MELTF: variants seen among roughly 807,000 people sequenced by gnomAD.
MELTF encodes the protein antigen p97 (melanoma associated) identified by monoclonal antibodies 133.2 and 96.5.
A neutral mutation model predicts 83.7 loss-of-function variants in MELTF; 67 were observed. The observed-to-expected ratio is 0.80, with a 90% CI of 0.66 to 0.98. The LOEUF (loss-of-function observed/expected upper bound fraction) is 0.98. MELTF is among the 50% of genes least tolerant of loss of function. The pLI is 0.00. For missense variants in MELTF, 1,002 were observed against 1,035.6 expected (o/e 0.97, Z 0.44); for synonymous variants, 462 against 447.6 (o/e 1.03, Z -0.41).
intron 6 of MELTF, among the ~76,000 whole-genome samples, chr3:197,020,290 CAT>C (rs1719567406): frequency 6.6e-6 from 1 of 152,172 alleles, no homozygotes; most frequent in South Asian, 2.1e-4. Flanking sequence ...AAGAAATGGG[CAT>C]GAAGGACAGA....
chr3:197,016,329 C>G lies in MELTF; in HGVS notation c.941G>C (p.Ser314Thr). Residue 314 changes from serine to threonine, a missense_variant, in exon 8 of 16, where the codon AGC becomes ACC. Coordinates refer to ENST00000296350, the MANE Select transcript of MELTF (RefSeq NM_005929.6). ...SHEGSSFQMF[S>T]SEAYGQKDLL... is the part of the protein sequence containing the mutation. Reference sequence around the variant, plus strand: ...ATCCTTCTGGCCATAGGCCTCAGAGCTGAACATCTGGAAGCTGCTGCCCTC... The same window carrying G: ...ATCCTTCTGGCCATAGGCCTCAGAGGTGAACATCTGGAAGCTGCTGCCCTC... 1.2e-6 allele frequency: 2 copies of G among 1,608,026 alleles called. No individual in the cohort carries two copies. Among genetic ancestry groups the G allele is most frequent in the Non-Finnish European group, 1.7e-6 (2 of 1,177,018 alleles).
chr3:197,023,391 A>C (rs928285687), intron 4 of MELTF, among the ~76,000 whole-genome samples: 27 of 152,250 alleles, frequency 1.8e-4, no homozygotes, highest in Non-Finnish European at 3.8e-4. Context: ...ATAACTCAGT[A>C]TCAGCCAGAT....
rs1361547989 is a variant in MELTF at position 197,008,183 on chromosome 3, C to G, written c.1750+474G>C. Among the ~76,000 whole-genome samples the G allele has an allele frequency of 6.6e-6, 1 of 152,148 alleles. No homozygotes were observed. Among genetic ancestry groups the G allele is most frequent in the African/African-American group, 2.4e-5 (1 of 41,406 alleles). ...GAAGGTGACTCCAGGAAGAAAACCCCCTGTGTGGTATGTTGGGCGTGCCCT... is the reference window on the plus strand; with the variant it reads ...GAAGGTGACTCCAGGAAGAAAACCCGCTGTGTGGTATGTTGGGCGTGCCCT... On this transcript the variant is annotated intron_variant, in intron 13 of 15. Transcript: ENST00000296350. This position sits in a 1 kb window ranked among gnomAD's most constrained non-coding sequence, Gnocchi z 5.4.
chr3:197,017,041 C>G, intron 7 of MELTF, 62 bp downstream of exon 7: 1 of 1,547,082 alleles, frequency 6.5e-7, no homozygotes, highest in Non-Finnish European at 8.8e-7. Context: ...CCCTGCTGAG[C>G]GACCACAAGG....
Position 197,006,489 on chromosome 3 carries a change from C to A in MELTF, c.1938+60G>T. 1 of 1,506,278 alleles carries A rather than the reference C, an allele frequency of 6.6e-7. No homozygotes were observed. The highest frequency in any genetic ancestry group is 2.4e-5 in the East Asian group (1 of 42,022). The allele number at this position is 1,506,278 out of a possible 1,614,324, so 93.3% of individuals were successfully genotyped here. On this transcript the variant is annotated intron_variant, in intron 14 of 15. Coordinates refer to ENST00000296350, the MANE Select transcript of MELTF (RefSeq NM_005929.6). This position sits in a 1 kb window ranked among gnomAD's most constrained non-coding sequence, Gnocchi z 5.4. Reference sequence around the variant, plus strand: ...CTGCTCCAGGTAGACTGAGGCCTCCCAGGGGCTCAGCTTACCTCTGCTGCA... The same window carrying A: ...CTGCTCCAGGTAGACTGAGGCCTCCAAGGGGCTCAGCTTACCTCTGCTGCA...
In MELTF at chr3:197,029,577, A is replaced by G; in HGVS notation, c.49+77T>C. ...GAGCCGCAGGCTCAGGCACATTTCC[A>G]GCCCCGGGACCTGCTCAGCCGGGCC... On this transcript the variant is annotated intron_variant, in intron 1 of 15. Transcript: ENST00000296350. This position sits in a 1 kb window ranked among gnomAD's most constrained non-coding sequence, Gnocchi z 6.5. The G allele has an allele frequency of 8.6e-7, 1 of 1,161,342 alleles. No individual in the cohort carries two copies. The highest frequency in any genetic ancestry group is 3.2e-5 in the East Asian group (1 of 31,230). 71.9% of individuals were successfully genotyped at this position (1,161,342 alleles called of 1,614,324 possible). A position where few individuals can be genotyped will look rare whatever the true frequency, so the allele number is the denominator to read the frequency against.
rs996378305 is a variant in MELTF, at chr3:197,027,844, A to G, written c.116T>C (p.Met39Thr). 1.2e-6 allele frequency: 2 copies of G among 1,611,420 alleles called. No individual in the cohort carries two copies. The highest frequency in any genetic ancestry group is 2.2e-5 in the East Asian group (1 of 44,844). The change falls in exon 2 of 16, where the codon ATG becomes ACG. Residue 39 changes from methionine (M) to threonine (T), a missense_variant. Met to Thr is a moderately conservative substitution (Grantham distance 81). Transcript: ENST00000296350. Reference protein sequence around the residue: ...SDPEQHKCGNMSEAFREAGIQ... With the variant: ...SDPEQHKCGNTSEAFREAGIQ... ...GCCCGCTTCCCGGAAGGCCTCGCTC[A>G]TGTTGCCGCACTTGTGCTGCTCTGG...
At position 197,006,520 on chromosome 3, in the gene MELTF, C is replaced by T. The variant is rs762265954; in HGVS notation, c.1938+29G>A. ...CTCAGCTTACCTCTGCTGCACACCC[C>T]TCAATGAGGTAGCCCCACCCTGGCT... On this transcript the variant is annotated intron_variant, in intron 14 of 15. Transcript: ENST00000296350. This position sits in a 1 kb window ranked among gnomAD's most constrained non-coding sequence, Gnocchi z 5.4. The T allele has an allele frequency of 2.1e-5, 33 of 1,602,056 alleles. No homozygotes were observed. Among genetic ancestry groups the T allele is most frequent in the Non-Finnish European group, 2.8e-5 (33 of 1,173,986 alleles).
At chr3:197,019,620 C>T in intron 6 of MELTF, 1 of 1,608,552 alleles carries the variant, frequency 6.2e-7, no homozygotes, top group Non-Finnish European at 8.5e-7. Flanking sequence ...CCAACATATC[C>T]CTACTCTTTG....
In MELTF at chr3:197,021,423, C is replaced by G. The variant is rs138236456; in HGVS notation, c.693G>C (p.Thr231=). The change falls in exon 6 of 16, where the codon ACG becomes ACC. Residue 231 remains threonine (T), a synonymous_variant. Transcript: ENST00000296350. ...AGDVAFVKHS[T]VLENTDGKTL... is the part of the protein sequence containing the mutation. ...ACTCACCATCCGTGTTCTCCAGTACCGTGCTGTGCTTCACAAAAGCCACGT... is the reference window on the plus strand; with the variant it reads ...ACTCACCATCCGTGTTCTCCAGTACGGTGCTGTGCTTCACAAAAGCCACGT... 1.2e-6 allele frequency: 2 copies of G among 1,614,136 alleles called. No individual in the cohort carries two copies. The highest frequency in any genetic ancestry group is 2.2e-5 in the South Asian group (2 of 91,092).
chr3:197,015,576 G>A (rs1343557773), intron 8 of MELTF, 60 bp from the exon 9 acceptor site: 4 of 1,537,418 alleles, frequency 2.6e-6, no homozygotes, highest in Non-Finnish European at 3.5e-6. Flanking sequence ...AGAGCATGGA[G>A]TCGGACCCAA....
In MELTF at chr3:197,024,453, C is replaced by A. The variant is rs757083381; in HGVS notation, c.337G>T (p.Val113Phe). The A allele has an allele frequency of 1.2e-6, 2 of 1,602,940 alleles. No homozygotes were observed. Among genetic ancestry groups the A allele is most frequent in the East Asian group, 4.5e-5 (2 of 44,574 alleles). The change falls in exon 4 of 16, where the codon GTC becomes TTC. Residue 113 changes from valine (V) to phenylalanine (F), a missense_variant. Val to Phe is a conservative substitution (Grantham distance 50, BLOSUM62 -1). Transcript: ENST00000296350. This position sits in a 1 kb window ranked among gnomAD's most constrained non-coding sequence, Gnocchi z 5.3. ...VGTSYYAVAV[V>F]RRSSHVTIDT... is the part of the protein sequence containing the mutation. ...ATGGTCACATGGGAGCTCCTCCTGA[C>A]CACAGCCACGGCGTAATAGGAGGTA...
intron 6 of MELTF, among the ~76,000 whole-genome samples, chr3:197,017,568 T>C (rs1202055591): frequency 6.6e-6 from 1 of 152,056 alleles, no homozygotes; most frequent in Non-Finnish European, 1.5e-5. Flanking sequence ...CTATTCAAGA[T>C]AAAAAAAGTA....
rs747293031 is a variant in MELTF, at chr3:197,021,463, G to A, written c.653C>T (p.Ala218Val). The change falls in exon 6 of 16, where the codon GCG (alanine) becomes GTG (valine). Residue 218 changes from alanine to valine, a missense_variant. Physicochemically the swap from Ala to Val is moderately conservative, Grantham distance 64. Transcript: ENST00000296350. ...AAAAGCCACGTCCCCTGCCCCTTCC[G>A]CCAGGCACCTGCGGAGGAGAAGCTG... Reference protein sequence around the residue: ...YDYSGAFRCLAEGAGDVAFVK... With the variant: ...YDYSGAFRCLVEGAGDVAFVK... 25 of 1,613,558 alleles carry A rather than the reference G, an allele frequency of 1.5e-5. No individual in the cohort carries two copies. Among genetic ancestry groups the A allele is most frequent in the African/African-American group, 4.0e-5 (3 of 74,900 alleles).
Position 197,024,194 on chromosome 3 carries a change from G to A in MELTF, c.487+109C>T. ...GGGGGCTGCTGCGCCTTCCAGGAAT[G>A]AAGAATGGTGGCGAGGCCGGAGGGA... On this transcript the variant is annotated intron_variant, in intron 4 of 15. Coordinates refer to ENST00000296350, the MANE Select transcript of MELTF (RefSeq NM_005929.6). This position sits in a 1 kb window ranked among gnomAD's most constrained non-coding sequence, Gnocchi z 5.3. The A allele has an allele frequency of 8.0e-7, 1 of 1,254,476 alleles. No homozygotes were observed. Among genetic ancestry groups the A allele is most frequent in the Non-Finnish European group, 1.1e-6 (1 of 907,602 alleles). 77.7% of individuals were successfully genotyped at this position (1,254,476 alleles called of 1,614,324 possible). A position where few individuals can be genotyped will look rare whatever the true frequency, so the allele number is the denominator to read the frequency against.
chr3:197,027,626 G>C (rs1719909866), intron 2 of MELTF, 130 bp downstream of exon 2: 1 of 1,221,594 alleles, frequency 8.2e-7, no homozygotes, highest in Non-Finnish European at 1.1e-6. Flanking sequence ...TGGCCAGGGA[G>C]ACTCGGGAGA....
Position 197,009,830 on chromosome 3 carries a change from C to T in MELTF, c.1331-18G>A. The T allele has an allele frequency of 6.2e-7, 1 of 1,600,492 alleles. No homozygotes were observed. The highest frequency in any genetic ancestry group is 8.5e-7 in the Non-Finnish European group (1 of 1,169,882). On this transcript the variant is annotated intron_variant, in intron 10 of 15. Coordinates refer to ENST00000296350, the MANE Select transcript of MELTF (RefSeq NM_005929.6). The stretch of plus-strand genomic sequence containing the variant: ...GTCTTCCGCTGGGGAGAGAGGGACT[C>T]ACGTGAGGGGCCCCTCATCTGAGAG...
rs1336694246 is a variant in MELTF at position 197,029,670 on chromosome 3, G to A, written c.33C>T (p.Leu11=). The change falls in exon 1 of 16, where the codon CTC becomes CTT. Residue 11 remains leucine, a synonymous_variant. Coordinates refer to ENST00000296350, the MANE Select transcript of MELTF (RefSeq NM_005929.6). The surrounding 1 kb of genome is among the most constrained non-coding windows in gnomAD (Gnocchi z 6.5). MRGPSGALWL[L]LALRTVLGGM... ...GGGCCTCACCGGTGCGCAGAGCCAG[G>A]AGCAGCCACAGAGCCCCGCTCGGAC... The A allele has an allele frequency of 5.6e-6, 7 of 1,247,782 alleles. No individual in the cohort carries two copies. The highest frequency in any genetic ancestry group is 3.7e-5 in the South Asian group (1 of 26,860). 77.3% of individuals were successfully genotyped at this position (1,247,782 alleles called of 1,614,324 possible).
At chr3:197,025,458 AT>A (rs1319311742) in intron 3 of MELTF, 2 of 152,144 alleles carry the variant, frequency 1.3e-5, no homozygotes, top group African/African-American at 4.8e-5. Context: ...TGCCTGCTCT[AT>A]TTCAGTGGAT....
Sources: gnomAD v4.1 joint callset for allele counts (sites outside exome capture counted in the v4.1 genomes callset) on GRCh38, gnomAD v4.1.1 for gene constraint, Gnocchi (gnomAD v3.1) non-coding constraint, MANE v1.5 for transcripts, NCBI Gene and HGNC (gene_info 2026-07-23, HGNC 2026-07-21) for gene names.